The following IQGAP2 variants were observed in gnomAD, a reference collection of about 807,000 sequenced individuals.
The protein encoded by IQGAP2 is ras GTPase-activating-like protein IQGAP2.
Under a neutral mutation model 201.3 loss-of-function variants are expected in IQGAP2, and 173 were observed. The observed-to-expected ratio is 0.86, with a 90% CI of 0.76 to 0.98. IQGAP2 has a LOEUF of 0.98. Among genes scored for constraint, IQGAP2 ranks in the 50% least tolerant of loss-of-function variants. IQGAP2 has a pLI of 0.00. For missense variants in IQGAP2, 1,687 were observed against 1,864.8 expected, an observed-to-expected ratio of 0.90 and a Z score of 1.76; for synonymous variants, 675 against 673.9, an observed-to-expected ratio of 1.00 and a Z score of -0.03.
intron 2 of IQGAP2, among the ~76,000 whole-genome samples, chr5:76,546,989 C>T (rs1336979545): frequency 6.6e-6 from 1 of 152,022 alleles, no homozygotes; most frequent in Non-Finnish European, 1.5e-5. Flanking sequence ...TTTGTCACTT[C>T]CTTGGTACAG....
chr5:76,674,497 C>CT lies in IQGAP2; in HGVS notation c.3316dup (p.Tyr1106LeufsTer15), dbSNP rs779810425. The CT allele has an allele frequency of 6.2e-7, 1 of 1,613,382 alleles. No individual in the cohort carries two copies. Among genetic ancestry groups the CT allele is most frequent in the East Asian group, 2.2e-5 (1 of 44,864 alleles). On this transcript the variant is annotated frameshift_variant, in exon 27 of 36. Coordinates refer to ENST00000274364, the MANE Select transcript of IQGAP2 (RefSeq NM_006633.5). LOFTEE classifies it high-confidence loss of function. ...TCCAGATTGTTGGAAACCTCCTGTA[C>CT]TATCGGTACATGAATCCAGCCATTG...
At chr5:76,597,929 C>G (rs998090922) in intron 10 of IQGAP2, among the ~76,000 whole-genome samples, 1 of 152,012 alleles carries the variant, frequency 6.6e-6, no homozygotes, top group African/African-American at 2.4e-5. Flanking sequence ...ATTTTTTTTA[C>G]AATATATAAT....
intron 2 of IQGAP2, among the ~76,000 whole-genome samples, chr5:76,523,382 C>T (rs752268906): frequency 1.3e-5 from 2 of 152,126 alleles, no homozygotes; most frequent in African/African-American, 4.8e-5. Context: ...TGAACCACCA[C>T]GACCAGCCTT....
chr5:76,592,993 C>A, intron 9 of IQGAP2, 68 bp downstream of exon 9: 1 of 1,032,770 alleles, frequency 9.7e-7, no homozygotes, highest in Non-Finnish European at 1.5e-6. Context: ...GCCAGAATCC[C>A]AACACAACTC....
At chr5:76,697,370 A>G (rs886522801) in intron 32 of IQGAP2, among the ~76,000 whole-genome samples, 1 of 152,232 alleles carries the variant, frequency 6.6e-6, no homozygotes, top group Non-Finnish European at 1.5e-5. Context: ...GAGGCTGGGC[A>G]CAATGTCTCA....
chr5:76,596,754 G>A (rs1747063632), intron 9 of IQGAP2, among the ~76,000 whole-genome samples: 1 of 152,098 alleles, frequency 6.6e-6, no homozygotes, highest in Non-Finnish European at 1.5e-5. Context: ...TCATCCAGGG[G>A]GAAATCCGCC....
intron 2 of IQGAP2, among the ~76,000 whole-genome samples, chr5:76,539,821 A>C (rs1217008365): frequency 6.6e-6 from 1 of 152,094 alleles, no homozygotes; most frequent in Non-Finnish European, 1.5e-5. Flanking sequence ...CTGTATTCTA[A>C]AAATAAGGGA....
chr5:76,625,974 C>T (rs1386919884), intron 13 of IQGAP2, among the ~76,000 whole-genome samples: 1 of 152,208 alleles, frequency 6.6e-6, no homozygotes, highest in Non-Finnish European at 1.5e-5. Context: ...AACACAATTG[C>T]TACCTGGAAG....
chr5:76,459,069 C>T (rs1430377650), intron 1 of IQGAP2, among the ~76,000 whole-genome samples: 1 of 152,102 alleles, frequency 6.6e-6, no homozygotes, highest in Non-Finnish European at 1.5e-5. Context: ...TAGGTAGGAT[C>T]CCACTAGATG....
intron 12 of IQGAP2, 114 bp from the exon 13 acceptor site, chr5:76,610,906 A>G (rs1400360785): frequency 4.6e-5 from 34 of 737,384 alleles, no homozygotes; most frequent in Non-Finnish European, 1.3e-5. Context: ...TTGTGCTTGC[A>G]TCTTGCATCC....
intron 1 of IQGAP2, among the ~76,000 whole-genome samples, chr5:76,441,263 A>C (rs369006246): frequency 2.6e-5 from 4 of 152,286 alleles, no homozygotes; most frequent in South Asian, 4.1e-4. Context: ...AGTGGTTAGC[A>C]TGCTTTTTAT....
intron 6 of IQGAP2, 68 bp downstream of exon 6, chr5:76,589,041 T>C (rs985161293): frequency 3.8e-5 from 40 of 1,065,460 alleles, no homozygotes; most frequent in South Asian, 9.2e-5. Flanking sequence ...TGGCCGGGCG[T>C]GGTGGCTCAT....
rs750181665 is a variant in IQGAP2 at position 76,695,592 on chromosome 5, C to A, written c.4132C>A (p.Leu1378Ile). The change falls in exon 32 of 36, where the codon CTT becomes ATT. Residue 1378 changes from leucine to isoleucine, a missense_variant. Coordinates refer to ENST00000274364, the MANE Select transcript of IQGAP2 (RefSeq NM_006633.5). Reference sequence around the variant, plus strand: ...GAAGAAGAGGAAAATCCAGAGGAATCTTCGGACGTTGGAACAGACTGGACA... The same window carrying A: ...GAAGAAGAGGAAAATCCAGAGGAATATTCGGACGTTGGAACAGACTGGACA... ...EQKKRKIQRN[L>I]RTLEQTGHVS... 11 of 1,614,188 alleles carry A rather than the reference C, an allele frequency of 6.8e-6. No individual in the cohort carries two copies. The highest frequency in any genetic ancestry group is 9.3e-6 in the Non-Finnish European group (11 of 1,180,032).
chr5:76,432,989 G>C (rs1160412456), intron 1 of IQGAP2, among the ~76,000 whole-genome samples: 1 of 152,152 alleles, frequency 6.6e-6, no homozygotes, highest in Non-Finnish European at 1.5e-5. Context: ...AGTAGTCAGG[G>C]TCCAGGCAGG....
chr5:76,633,116 T>C (rs971425564), intron 15 of IQGAP2, among the ~76,000 whole-genome samples: 1 of 152,216 alleles, frequency 6.6e-6, no homozygotes, highest in African/African-American at 2.4e-5. Flanking sequence ...AAAAACTTAG[T>C]TCATCTTCTG....
At chr5:76,545,867 T>C (rs184282452) in intron 2 of IQGAP2, among the ~76,000 whole-genome samples, 2 of 152,396 alleles carry the variant, frequency 1.3e-5, no homozygotes, top group Admixed American at 6.5e-5. Flanking sequence ...TTGTCATAAA[T>C]ATTAATGGCT....
intron 15 of IQGAP2, among the ~76,000 whole-genome samples, chr5:76,635,078 G>C (rs1364656004): frequency 6.6e-6 from 1 of 152,160 alleles, no homozygotes; most frequent in Non-Finnish European, 1.5e-5. Context: ...ATGCCATTCA[G>C]ATCTCTTCAT....
intron 2 of IQGAP2, among the ~76,000 whole-genome samples, chr5:76,505,187 A>AC (rs146599742): frequency 0.016 from 2,427 of 152,306 alleles, 59 homozygotes; most frequent in African/African-American, 0.053. Flanking sequence ...CCTAGGGCAG[A>AC]CCCCTCACCA....
At position 76,414,528 on chromosome 5, in the gene IQGAP2, A is replaced by G. The variant is rs571720716; in HGVS notation, c.46+10937A>G. On this transcript the variant is annotated intron_variant, in intron 1 of 35. Coordinates refer to ENST00000274364, the MANE Select transcript of IQGAP2 (RefSeq NM_006633.5). ...GAAACAAAGATACATTTATTTGTAAAGAATATATAAGGCCGGATATGGTGG... is the reference window on the plus strand; with the variant it reads ...GAAACAAAGATACATTTATTTGTAAGGAATATATAAGGCCGGATATGGTGG... Among the ~76,000 whole-genome samples the G allele has an allele frequency of 1.6e-4, 24 of 152,340 alleles. No homozygotes were observed. In the South Asian group the frequency reaches 5.0e-3, roughly 32 times the overall value.
Sources: allele counts gnomAD v4.1 joint callset (sites outside exome capture counted in the v4.1 genomes callset), GRCh38; gene constraint gnomAD v4.1.1; transcripts MANE v1.5; gene names NCBI Gene and HGNC (gene_info 2026-07-23, HGNC 2026-07-21).